ATPSCKMT: variants seen among roughly 807,000 people sequenced by gnomAD.
The protein encoded by ATPSCKMT is ATP synthase c subunit lysine N-methyltransferase, also known as ATP synthase subunit C lysine N-methyltransferase.
A neutral mutation model predicts 24.3 loss-of-function variants in ATPSCKMT; 24 were observed. That is an observed-to-expected ratio of 0.99 (90% CI 0.71 to 1.39). The LOEUF (loss-of-function observed/expected upper bound fraction) is 1.39. ATPSCKMT is among the 40% of genes most tolerant of loss of function. The pLI, the probability that ATPSCKMT is intolerant of heterozygous loss-of-function variation, is 0.00. For missense variants in ATPSCKMT, 311 were observed against 298.4 expected (o/e 1.04, Z -0.31); for synonymous variants, 95 against 110.5 (o/e 0.86, Z 0.88).
chr5:10,240,042 T>C (rs969405375), intron 1 of ATPSCKMT, among the ~76,000 whole-genome samples: 13 of 147,320 alleles, frequency 8.8e-5, no homozygotes, highest in South Asian at 2.2e-4. Flanking sequence ...CTGGCTAACA[T>C]GGTGAAACCC....
chr5:10,227,743 C>A, intron 4 of ATPSCKMT, 96 bp from the exon 5 acceptor site: 1 of 1,109,110 alleles, frequency 9.0e-7, no homozygotes, highest in Non-Finnish European at 1.3e-6. Context: ...AATACCTGAG[C>A]AAAAATTACT....
chr5:10,242,872 C>T (rs923884087), intron 1 of ATPSCKMT, among the ~76,000 whole-genome samples: 3 of 152,184 alleles, frequency 2.0e-5, no homozygotes, highest in Non-Finnish European at 4.4e-5. Flanking sequence ...GGTGCATTAT[C>T]AATGAGCAGT....
rs1561029951 is a variant in ATPSCKMT at position 10,237,615 on chromosome 5, C to G, written c.307-1000G>C. ...TCAATGTAAGACATGACTTGCTCCT[C>G]CTTGTCTTTCACCTTCCACCATGAT... On this transcript the variant is annotated intron_variant, in intron 2 of 4. Transcript: ENST00000511437. 2.0e-5 allele frequency among the ~76,000 whole-genome samples: 3 copies of G among 152,198 alleles called. No homozygotes were observed. In the East Asian group the frequency reaches 5.8e-4, roughly 29 times the overall value.
intron 1 of ATPSCKMT, among the ~76,000 whole-genome samples, chr5:10,243,570 T>G (rs1260630018): frequency 6.6e-6 from 1 of 152,246 alleles, no homozygotes; most frequent in Admixed American, 6.5e-5. Flanking sequence ...GGCTTCTCCA[T>G]CAGCACTTGC....
chr5:10,239,465 A>T (rs1311463807), intron 1 of ATPSCKMT, 109 bp from the exon 2 acceptor site: 1 of 953,192 alleles, frequency 1.0e-6, no homozygotes, highest in East Asian at 2.5e-5. Flanking sequence ...TTTTTAAAGG[A>T]TAATTTAGCT....
chr5:10,228,137 G>T (rs1050850119), intron 4 of ATPSCKMT, among the ~76,000 whole-genome samples: 1 of 151,996 alleles, frequency 6.6e-6, no homozygotes, highest in African/African-American at 2.4e-5. Context: ...GAGCCACTGC[G>T]CCCAGCCACA....
intron 1 of ATPSCKMT, 89 bp downstream of exon 1, chr5:10,249,769 C>A: frequency 6.7e-7 from 1 of 1,498,582 alleles, no homozygotes; most frequent in South Asian, 1.3e-5. Context: ...ACCGCCTCGA[C>A]AGTGGAGACC....
chr5:10,243,655 T>G (rs1744753603), intron 1 of ATPSCKMT, among the ~76,000 whole-genome samples: 1 of 152,222 alleles, frequency 6.6e-6, no homozygotes, highest in South Asian at 2.1e-4. Flanking sequence ...CACTGCTAGC[T>G]TCAAACTTTT....
chr5:10,230,337 T>C (rs774792139), intron 4 of ATPSCKMT, among the ~76,000 whole-genome samples: 2 of 152,214 alleles, frequency 1.3e-5, no homozygotes, highest in African/African-American at 4.8e-5. Flanking sequence ...TATGTGTTTT[T>C]CCAAAATATC....
At chr5:10,242,821 T>C (rs1350519433) in intron 1 of ATPSCKMT, among the ~76,000 whole-genome samples, 4 of 152,230 alleles carry the variant, frequency 2.6e-5, no homozygotes, top group Non-Finnish European at 1.5e-5. Flanking sequence ...ACAACATTCA[T>C]GTCCTTGTAC....
intron 1 of ATPSCKMT, 83 bp downstream of exon 1, chr5:10,249,775 A>T: frequency 6.6e-7 from 1 of 1,509,828 alleles, no homozygotes; most frequent in South Asian, 1.3e-5. Flanking sequence ...TCGACAGTGG[A>T]GACCTCAGCT....
At chr5:10,232,199 G>C (rs997448548) in intron 4 of ATPSCKMT, among the ~76,000 whole-genome samples, 39 of 151,658 alleles carry the variant, frequency 2.6e-4, no homozygotes, top group African/African-American at 9.4e-4. Flanking sequence ...GTGAGACTCT[G>C]TCTCAAAAAA....
At chr5:10,236,645 T>G (rs1238040021) in intron 2 of ATPSCKMT, 30 bp from the exon 3 acceptor site, 1 of 1,600,326 alleles carries the variant, frequency 6.2e-7, no homozygotes, top group Non-Finnish European at 8.5e-7. Flanking sequence ...TTATTCAAAA[T>G]AAGAAGAAAA....
chr5:10,236,832 C>A (rs1015474798), intron 2 of ATPSCKMT: 2 of 1,484,020 alleles, frequency 1.3e-6, no homozygotes, highest in Non-Finnish European at 1.8e-6. Flanking sequence ...TGGTTAAAGA[C>A]TTCACCTCAA....
rs941726442 is a variant in ATPSCKMT at position 10,225,900 on chromosome 5, G to T, written c.*1541C>A. Among the ~76,000 whole-genome samples, 12 of 152,170 alleles carry T rather than the reference G, an allele frequency of 7.9e-5. No individual in the cohort carries two copies. Among genetic ancestry groups the T allele is most frequent in the African/African-American group, 2.9e-4 (12 of 41,444 alleles). ...TCCCCCTCCGAGTGTGCCCAGACCAGTTACAGGACTGGTTACAGTGGAAGG... is the reference window on the plus strand; with the variant it reads ...TCCCCCTCCGAGTGTGCCCAGACCATTTACAGGACTGGTTACAGTGGAAGG... On this transcript the variant is annotated 3_prime_UTR_variant, in exon 5 of 5. Coordinates refer to ENST00000511437, the MANE Select transcript of ATPSCKMT (RefSeq NM_199133.4).
At chr5:10,237,473 A>G (rs577497671) in intron 2 of ATPSCKMT, among the ~76,000 whole-genome samples, 1 of 152,192 alleles carries the variant, frequency 6.6e-6, no homozygotes, top group Non-Finnish European at 1.5e-5. Context: ...GAGGTAACTG[A>G]ATAATGGGGG....
At chr5:10,249,697 G>T in intron 1 of ATPSCKMT, 161 bp downstream of exon 1, 4 of 1,186,114 alleles carry the variant, frequency 3.4e-6, no homozygotes, top group Non-Finnish European at 4.6e-6. Context: ...ACCGCGCGGC[G>T]ACCAGGAGCT....
chr5:10,232,531 G>A (rs558970292), intron 4 of ATPSCKMT, among the ~76,000 whole-genome samples: 1 of 152,374 alleles, frequency 6.6e-6, no homozygotes, highest in African/African-American at 2.4e-5. Context: ...TGAGAGTAAA[G>A]CGGGCCGCTG....
chr5:10,230,387 T>G (rs1245809264), intron 4 of ATPSCKMT, among the ~76,000 whole-genome samples: 1 of 152,194 alleles, frequency 6.6e-6, no homozygotes, highest in African/African-American at 2.4e-5. Flanking sequence ...AAAAGGATAA[T>G]TATAAACTTA....
Sources: gnomAD v4.1 joint callset for allele counts (sites outside exome capture counted in the v4.1 genomes callset) on GRCh38, gnomAD v4.1.1 for gene constraint, MANE v1.5 for transcripts, NCBI Gene and HGNC (gene_info 2026-07-23, HGNC 2026-07-21) for gene names.